THADA: variants seen among roughly 807,000 people sequenced by gnomAD.
THADA encodes THADA armadillo repeat containing.
A neutral mutation model predicts 219.8 loss-of-function variants in THADA; 213 were observed. The observed-to-expected ratio is 0.97, with a 90% CI of 0.87 to 1.09. The LOEUF (loss-of-function observed/expected upper bound fraction) is 1.09, where lower values mean the gene tolerates loss of function less well. Ranked by LOEUF, THADA falls within the 50% of genes least tolerant of loss-of-function variation. The pLI, the probability that THADA is intolerant of heterozygous loss-of-function variation, is 0.00. For missense variants in THADA, 2,956 were observed against 2,311.3 expected, an observed-to-expected ratio of 1.28 and a Z score of -5.72; for synonymous variants, 1,018 against 828.9, an observed-to-expected ratio of 1.23 and a Z score of -3.92.
At chr2:43,520,426 G>C (rs1206201036) in intron 22 of THADA, among the ~76,000 whole-genome samples, 2 of 152,140 alleles carry the variant, frequency 1.3e-5, no homozygotes, top group African/African-American at 4.8e-5. Context: ...GGTGGCTCAT[G>C]CTTGTAATCC....
intron 22 of THADA, among the ~76,000 whole-genome samples, chr2:43,524,038 T>G (rs775630158): frequency 6.6e-6 from 1 of 152,156 alleles, no homozygotes; most frequent in African/African-American, 2.4e-5. Context: ...CACCAAAAAG[T>G]TGAATTTAGA....
chr2:43,514,783 TATA>T lies in THADA; in HGVS notation c.3375-6006_3375-6004del, dbSNP rs1198852825. On this transcript the variant is annotated intron_variant, in intron 22 of 37. Transcript: ENST00000405975. ...TAATATGTATAATATATATTTTATA[TATA>T]ATAATATGTACAATATATATTTTAT... Among the ~76,000 whole-genome samples, 68 of 79,594 alleles carry T rather than the reference TATA, an allele frequency of 8.5e-4. 5 individuals are homozygous for T. The highest frequency in any genetic ancestry group is 2.1e-3 in the Admixed American group (10 of 4,808). 52.2% of individuals were successfully genotyped at this position (79,594 alleles called of 152,430 possible). A position where few individuals can be genotyped will look rare whatever the true frequency, so the allele number is the denominator to read the frequency against.
chr2:43,415,679 C>T (rs192191956), intron 28 of THADA, among the ~76,000 whole-genome samples: 1 of 151,974 alleles, frequency 6.6e-6, no homozygotes, highest in Non-Finnish European at 1.5e-5. Flanking sequence ...GATTGCCCAG[C>T]GACACTAGTT....
intron 36 of THADA, among the ~76,000 whole-genome samples, chr2:43,264,293 T>C (rs867026944): frequency 1.3e-5 from 2 of 152,060 alleles, no homozygotes; most frequent in Non-Finnish European, 2.9e-5. Flanking sequence ...CTTTTCTTTT[T>C]TTTTTTTTTG....
At chr2:43,430,679 T>A (rs936294925) in intron 26 of THADA, 1 of 456,420 alleles carries the variant, frequency 2.2e-6, no homozygotes, top group African/African-American at 2.0e-5. Flanking sequence ...TAAGGACAGG[T>A]CTAGAACAAG....
At chr2:43,473,627 T>C (rs1424058636) in intron 26 of THADA, among the ~76,000 whole-genome samples, 1 of 152,166 alleles carries the variant, frequency 6.6e-6, no homozygotes, top group African/African-American at 2.4e-5. Flanking sequence ...GCTTTTTTTT[T>C]TGAGACAGAG....
At chr2:43,532,204 G>C (rs955457083) in intron 21 of THADA, among the ~76,000 whole-genome samples, 1 of 151,812 alleles carries the variant, frequency 6.6e-6, no homozygotes, top group Admixed American at 6.6e-5. Flanking sequence ...CTGAGCTCAG[G>C]AGTTCGAGTC....
rs2103909313 is a variant in THADA, at chr2:43,556,466, C to T, written c.2553G>A (p.Leu851=). ...KPYDCVTASY[L]LNFLIWQDAL... ...CATCCTGCCAGATTAAGAAGTTCAG[C>T]AGGTAGGAAGCTGTCACACAGTCGT... The change falls in exon 17 of 38, where the codon CTG becomes CTA. Residue 851 remains leucine (L), a synonymous_variant. Transcript: ENST00000405975. 6.2e-7 allele frequency: 1 copy of T among 1,613,866 alleles called. No individual in the cohort carries two copies. Among genetic ancestry groups the T allele is most frequent in the Non-Finnish European group, 8.5e-7 (1 of 1,179,842 alleles).
chr2:43,443,896 C>T (rs1055125956), intron 26 of THADA, among the ~76,000 whole-genome samples: 13 of 152,150 alleles, frequency 8.5e-5, no homozygotes, highest in African/African-American at 3.1e-4. Context: ...GCAAGAGTGG[C>T]GGTAACCTCT....
intron 31 of THADA, among the ~76,000 whole-genome samples, chr2:43,309,959 A>C (rs1488896030): frequency 6.6e-6 from 1 of 152,224 alleles, no homozygotes; most frequent in Non-Finnish European, 1.5e-5. Flanking sequence ...AAATAATTCT[A>C]TTTATAACAG....
intron 26 of THADA, among the ~76,000 whole-genome samples, chr2:43,453,370 G>A (rs1682600189): frequency 6.6e-6 from 1 of 152,186 alleles, no homozygotes. Flanking sequence ...CAGATTGGCT[G>A]GATTTCCAGA....
intron 29 of THADA, among the ~76,000 whole-genome samples, chr2:43,345,440 G>A (rs1424926446): frequency 1.3e-5 from 2 of 152,210 alleles, no homozygotes; most frequent in African/African-American, 4.8e-5. Flanking sequence ...AGAAGTAACT[G>A]TACAGGAGAG....
At chr2:43,427,492 C>T (rs1352421243) in intron 28 of THADA, among the ~76,000 whole-genome samples, 1 of 103,506 alleles carries the variant, frequency 9.7e-6, no homozygotes, top group East Asian at 2.3e-4. Flanking sequence ...TCACAAGACC[C>T]CTCCCAAAGT....
At chr2:43,387,099 C>T (rs1340546393) in intron 29 of THADA, among the ~76,000 whole-genome samples, 1 of 152,124 alleles carries the variant, frequency 6.6e-6, no homozygotes. Context: ...TTCACACAGC[C>T]TCTTGTCCCC....
At chr2:43,285,191 A>G (rs1008972505) in intron 35 of THADA, among the ~76,000 whole-genome samples, 1 of 152,284 alleles carries the variant, frequency 6.6e-6, no homozygotes, top group African/African-American at 2.4e-5. Context: ...GTATTTTGCA[A>G]TGTGAGAAGG....
At chr2:43,241,585 T>C (rs890397724) in intron 36 of THADA, among the ~76,000 whole-genome samples, 1 of 149,838 alleles carries the variant, frequency 6.7e-6, no homozygotes, top group Non-Finnish European at 1.5e-5. Context: ...ACAGCTCACA[T>C]GGATTTAAAA....
intron 24 of THADA, among the ~76,000 whole-genome samples, chr2:43,504,905 G>A (rs779588210): frequency 6.6e-6 from 1 of 152,092 alleles, no homozygotes; most frequent in Non-Finnish European, 1.5e-5. Context: ...AAACCAAAAA[G>A]GAGTGTCCTA....
intron 26 of THADA, among the ~76,000 whole-genome samples, chr2:43,445,573 G>T (rs1389827514): frequency 3.9e-5 from 6 of 152,206 alleles, no homozygotes; most frequent in Non-Finnish European, 8.8e-5. Context: ...CATCCTCCTC[G>T]GGGCCTCTGT....
rs767430425 is a variant in THADA, at chr2:43,574,937, C to T, written c.1128G>A (p.Pro376=). The T allele has an allele frequency of 4.3e-6, 7 of 1,613,806 alleles. No homozygotes were observed. The highest frequency in any genetic ancestry group is 3.3e-5 in the South Asian group (3 of 91,090). Residue 376 remains proline, a synonymous_variant, in exon 11 of 38, where the codon CCG becomes CCA. Coordinates refer to ENST00000405975, the MANE Select transcript of THADA (RefSeq NM_022065.5). ...SAIQVLESSS[P]SLTDSLNGNS... ...TCCCATTCAGGCTGTCCGTTAGGCT[C>T]GGGGAACTTGATTCAAGGACTTGTA...
Sources: gnomAD v4.1 joint callset for allele counts (sites outside exome capture counted in the v4.1 genomes callset) on GRCh38, gnomAD v4.1.1 for gene constraint, MANE v1.5 for transcripts, NCBI Gene and HGNC (gene_info 2026-07-23, HGNC 2026-07-21) for gene names.